The following PUDP variants were observed in gnomAD, a reference collection of about 807,000 sequenced individuals.
PUDP encodes pseudouridine-5'-phosphatase.
PUDP carries 8 observed loss-of-function variants against 9.4 expected under a neutral mutation model. The observed-to-expected ratio is 0.85, with a 90% CI of 0.50 to 1.53. PUDP has a LOEUF of 1.53. Among genes scored for constraint, PUDP ranks in the 40% most tolerant of loss-of-function variants. The probability of loss-of-function intolerance (pLI) is 0.00; values close to 1 mark genes in which losing one functional copy is unlikely to be tolerated. For synonymous variants in PUDP, 99 were observed against 80.7 expected (o/e 1.23, Z -1.22); for missense variants, 188 against 189.7 (o/e 0.99, Z 0.05).
intron 1 of PUDP, among the ~76,000 whole-genome samples, chrX:7,144,782 C>T (rs59492149): frequency 2.0e-3 from 222 of 111,762 alleles, no homozygotes; most frequent in African/African-American, 6.7e-3. Context: ...TATTACCCTT[C>T]GCAGATCTAC....
intron 1 of PUDP, among the ~76,000 whole-genome samples, chrX:6,997,944 G>A (rs1281784825): frequency 8.9e-6 from 1 of 112,232 alleles, no homozygotes; most frequent in Non-Finnish European, 1.9e-5. Context: ...AGTAAGTCAT[G>A]CCAGACTAAA....
At chrX:7,087,820 G>A (rs1931308601) in intron 2 of PUDP, among the ~76,000 whole-genome samples, 1 of 112,276 alleles carries the variant, frequency 8.9e-6, no homozygotes, top group Non-Finnish European at 1.9e-5. Context: ...ATGAGCATCC[G>A]ACTGCCTTTG....
intron 3 of PUDP, among the ~76,000 whole-genome samples, chrX:6,808,391 TA>T (rs773047020): frequency 3.6e-5 from 4 of 112,057 alleles, no homozygotes; most frequent in Non-Finnish European, 5.6e-5. Flanking sequence ...AGAAAACCTA[TA>T]AAAAATTCAT....
At chrX:6,846,600 T>C (rs1328167697) in intron 3 of PUDP, among the ~76,000 whole-genome samples, 1 of 110,329 alleles carries the variant, frequency 9.1e-6, no homozygotes, top group Admixed American at 9.7e-5. Flanking sequence ...GGACCTTCCA[T>C]TGCTCTTGTC....
chrX:6,738,388 G>T (rs1020570501), intron 3 of PUDP, among the ~76,000 whole-genome samples: 1 of 111,562 alleles, frequency 9.0e-6, no homozygotes, highest in Non-Finnish European at 1.9e-5. Flanking sequence ...TAGATGAGTA[G>T]TTCCCAACTC....
intron 3 of PUDP, among the ~76,000 whole-genome samples, chrX:6,788,132 C>T (rs778724584): frequency 1.6e-3 from 180 of 111,877 alleles, no homozygotes; most frequent in African/African-American, 5.1e-3. Flanking sequence ...GGTGCAAAAG[C>T]GAGATGCATT....
intron 1 of PUDP, among the ~76,000 whole-genome samples, chrX:7,035,628 T>C (rs1418317893): frequency 8.9e-6 from 1 of 112,263 alleles, no homozygotes; most frequent in African/African-American, 3.2e-5. Context: ...ACAGCTCCTC[T>C]CAGTTGCTGA....
chrX:7,147,838 C>T (rs1344699708), intron 1 of PUDP: 28 of 149,286 alleles, frequency 1.9e-4, no homozygotes, highest in African/African-American at 8.4e-4. Context: ...GACGCCGCGG[C>T]CACGCGCGCC....
At chrX:6,892,499 A>T (rs1047990862) in intron 3 of PUDP, among the ~76,000 whole-genome samples, 3 of 110,939 alleles carry the variant, frequency 2.7e-5, no homozygotes, top group African/African-American at 9.8e-5. Flanking sequence ...CCTTTATAAA[A>T]CCAACAGCTC....
intron 1 of PUDP, among the ~76,000 whole-genome samples, chrX:6,986,193 C>T (rs373076850): frequency 7.1e-5 from 8 of 112,230 alleles, no homozygotes; most frequent in African/African-American, 2.6e-4. Flanking sequence ...TCGGGGCTGA[C>T]CTGTCGATGA....
intron 3 of PUDP, among the ~76,000 whole-genome samples, chrX:6,763,475 A>G (rs1925251502): frequency 8.9e-6 from 1 of 112,118 alleles, no homozygotes; most frequent in Admixed American, 9.5e-5. Context: ...TTTACATATT[A>G]TTGACTATTG....
chrX:6,871,298 C>T (rs996830896), intron 3 of PUDP, among the ~76,000 whole-genome samples: 1 of 111,517 alleles, frequency 9.0e-6, no homozygotes, highest in African/African-American at 3.3e-5. Flanking sequence ...TCCTCTGAGC[C>T]CTCCATCAAT....
At position 7,050,245 on chromosome X, in the gene PUDP, C is replaced by A. The variant is rs955556420; in HGVS notation, c.*51G>T. On this transcript the variant is annotated 3_prime_UTR_variant, in exon 4 of 4. Coordinates refer to ENST00000381077, the MANE Select transcript of PUDP (RefSeq NM_012080.5). ...CTGATTTCCTTTCCCTTTCCCCCAG[C>A]AGTGTGGACCATGAGAGTGGGCTGG... 1 of 1,123,558 alleles carries A rather than the reference C, an allele frequency of 8.9e-7. No individual in the cohort carries two copies. Among genetic ancestry groups the A allele is most frequent in the South Asian group, 2.0e-5 (1 of 50,336 alleles). The allele number at this position is 1,123,558 out of a possible 1,213,427, so 92.6% of individuals were successfully genotyped here.
At chrX:7,035,579 C>T (rs1305615893) in intron 1 of PUDP, among the ~76,000 whole-genome samples, 1 of 111,940 alleles carries the variant, frequency 8.9e-6, no homozygotes, top group East Asian at 2.8e-4. Flanking sequence ...CAGATTTAAC[C>T]ATAATGCATC....
At chrX:6,823,240 G>A (rs905601928) in intron 3 of PUDP, among the ~76,000 whole-genome samples, 23 of 111,229 alleles carry the variant, frequency 2.1e-4, no homozygotes, top group African/African-American at 6.2e-4. Context: ...CCTTTACCTC[G>A]ATAGATATAT....
chrX:6,810,338 T>G, intron 3 of PUDP, among the ~76,000 whole-genome samples: 1 of 111,421 alleles, frequency 9.0e-6, no homozygotes, highest in Non-Finnish European at 1.9e-5. Context: ...GAGCTTGGGT[T>G]GCTTATTAAG....
At chrX:6,834,379 G>C in intron 3 of PUDP, among the ~76,000 whole-genome samples, 1 of 111,622 alleles carries the variant, frequency 9.0e-6, no homozygotes. Context: ...ACAGCCCTGA[G>C]GACCTGGTTC....
At chrX:6,832,127 A>C (rs1268900113) in intron 3 of PUDP, among the ~76,000 whole-genome samples, 1 of 111,856 alleles carries the variant, frequency 8.9e-6, no homozygotes, top group Non-Finnish European at 1.9e-5. Flanking sequence ...ACCTATAGAA[A>C]CTGGAAAAAA....
At chrX:6,862,091 G>A (rs995197056) in intron 3 of PUDP, among the ~76,000 whole-genome samples, 1 of 111,829 alleles carries the variant, frequency 8.9e-6, no homozygotes, top group African/African-American at 3.2e-5. Context: ...CACAGATGGA[G>A]CTTAAGTGAC....
Sources: gnomAD v4.1 joint callset for allele counts (sites outside exome capture counted in the v4.1 genomes callset) on GRCh38, gnomAD v4.1.1 for gene constraint, MANE v1.5 for transcripts, NCBI Gene and HGNC (gene_info 2026-07-23, HGNC 2026-07-21) for gene names.